The following IL1RN variants were observed in gnomAD, a reference collection of about 807,000 sequenced individuals.
IL1RN encodes the protein interleukin-1 receptor antagonist protein.
A neutral mutation model predicts 13.7 loss-of-function variants in IL1RN; 10 were observed. The observed-to-expected ratio is 0.73, with a 90% CI of 0.45 to 1.24. The LOEUF is 1.24. Among genes scored for constraint, IL1RN ranks in the 50% most tolerant of loss-of-function variants. IL1RN has a pLI of 0.00. For missense variants in IL1RN, 213 were observed against 222.1 expected, an observed-to-expected ratio of 0.96 and a Z score of 0.26; for synonymous variants, 102 against 82.7, an observed-to-expected ratio of 1.23 and a Z score of -1.27.
upstream of IL1RN, among the ~76,000 whole-genome samples, chr2:113,108,395 T>A (rs564129851): frequency 4.6e-5 from 7 of 152,224 alleles, no homozygotes; most frequent in Non-Finnish European, 7.4e-5. Flanking sequence ...TATCTCCTAA[T>A]GCTATCCGTC....
At chr2:113,122,341 G>A (rs973255395) in intron 2 of IL1RN, among the ~76,000 whole-genome samples, 6 of 152,156 alleles carry the variant, frequency 3.9e-5, no homozygotes, top group Admixed American at 6.5e-5. Flanking sequence ...GGAGGAGGGA[G>A]GTTGGAGCTG....
upstream of IL1RN, among the ~76,000 whole-genome samples, chr2:113,110,265 A>T (rs185282064): frequency 2.0e-3 from 305 of 152,316 alleles, no homozygotes; most frequent in African/African-American, 7.0e-3. Context: ...GAAGCCTTTG[A>T]GGAAACCATT....
At chr2:113,117,942 T>C (rs1298272678) in exon 1 of IL1RN, 16 of 898,204 alleles carry the variant, frequency 1.8e-5, no homozygotes, top group Non-Finnish European at 2.1e-5. Context: ...GCCCGGGTGC[T>C]ACTTTATGGG....
intron 2 of IL1RN, 109 bp downstream of exon 2, chr2:113,129,773 C>A (rs1052893784): frequency 7.6e-6 from 6 of 784,692 alleles, no homozygotes; most frequent in Non-Finnish European, 1.4e-5. Context: ...TGTCCTAATC[C>A]TTGTTGGGTC....
intron 1 of IL1RN, among the ~76,000 whole-genome samples, chr2:113,128,999 G>T (rs1283796076): frequency 1.3e-5 from 2 of 152,210 alleles, no homozygotes; most frequent in Non-Finnish European, 2.9e-5. Flanking sequence ...AGGCTCTAGG[G>T]AAAGACCCTT....
At position 113,111,183 on chromosome 2, in the gene IL1RN, T is replaced by C. The variant is rs373287395; in HGVS notation, c.-404T>C. The C allele has an allele frequency of 5.9e-5, 9 of 152,378 alleles. No homozygotes were observed. The South Asian group carries it at 1.9e-3, about 32-fold the overall frequency. 9.4% of individuals were successfully genotyped at this position (152,378 alleles called of 1,614,324 possible). ...TTTGAATTGATCTTGGCAGCAATTC[T>C]ATGAGACAAGTAAAAGGTAGGTCAA... On this transcript the variant is annotated 5_prime_UTR_variant, in exon 1 of 9. Transcript: ENST00000409052.
At chr2:113,106,371 T>C (rs1686387905), upstream of IL1RN, among the ~76,000 whole-genome samples, 2 of 152,238 alleles carry the variant, frequency 1.3e-5, no homozygotes, top group Admixed American at 1.3e-4. Context: ...AGATTATAAA[T>C]TATTTTGAGA....
chr2:113,127,178 T>C (rs1286041376), upstream of IL1RN, among the ~76,000 whole-genome samples: 2 of 152,222 alleles, frequency 1.3e-5, no homozygotes, highest in African/African-American at 4.8e-5. Flanking sequence ...GCTGTCCATT[T>C]TTCAAAGAAC....
At chr2:113,108,260 T>C (rs1246204889), upstream of IL1RN, among the ~76,000 whole-genome samples, 1 of 152,040 alleles carries the variant, frequency 6.6e-6, no homozygotes, top group East Asian at 1.9e-4. Context: ...GGTTATAAAT[T>C]TTTTTTATTA....
upstream of IL1RN, among the ~76,000 whole-genome samples, chr2:113,113,388 G>C (rs1461886673): frequency 6.6e-6 from 1 of 152,120 alleles, no homozygotes; most frequent in East Asian, 1.9e-4. Flanking sequence ...AAAGAAGAGA[G>C]TAGACTACTG....
chr2:113,113,947 CCT>C (rs1377901496), upstream of IL1RN, among the ~76,000 whole-genome samples: 1 of 152,066 alleles, frequency 6.6e-6, no homozygotes, highest in East Asian at 1.9e-4. Flanking sequence ...GGATTAGTTC[CCT>C]CTGTTTATTT....
upstream of IL1RN, among the ~76,000 whole-genome samples, chr2:113,117,076 T>A (rs45594435): frequency 1.8e-4 from 28 of 152,218 alleles, no homozygotes; most frequent in Non-Finnish European, 3.4e-4. Flanking sequence ...TGCTCCCTGA[T>A]GGCAGAATGC....
At chr2:113,114,225 C>T (rs937694093), upstream of IL1RN, among the ~76,000 whole-genome samples, 11 of 152,224 alleles carry the variant, frequency 7.2e-5, no homozygotes, top group African/African-American at 2.7e-4. Flanking sequence ...TATCTGTTTG[C>T]TTGTTCTTCT....
chr2:113,133,150 C>T lies in IL1RN; in HGVS notation c.*279C>T. 2.0e-6 allele frequency: 1 copy of T among 505,002 alleles called. No homozygotes were observed. The highest frequency in any genetic ancestry group is 3.6e-6 in the Non-Finnish European group (1 of 276,140). The allele number at this position is 505,002 out of a possible 1,614,324, so 31.3% of individuals were successfully genotyped here. ...TGTCGCCTCTGCATTCAGGATCAAA[C>T]CCCGACCACCTGCCCAACCTGCTCT... On this transcript the variant is annotated 3_prime_UTR_variant, in exon 4 of 4. Coordinates refer to ENST00000409930, the MANE Select transcript of IL1RN (RefSeq NM_173842.3).
chr2:113,131,127 G>A lies in IL1RN; in HGVS notation c.288G>A (p.Lys96=), dbSNP rs1442053811. ...HGGKMCLSCV[K]SGDETRLQLE... ...GGAAGATGTGCCTGTCCTGTGTCAA[G>A]TCTGGTGATGAGACCAGACTCCAGC... The change falls in exon 3 of 4, where the codon AAG becomes AAA. Residue 96 remains lysine (K), a synonymous_variant. Coordinates refer to ENST00000409930, the MANE Select transcript of IL1RN (RefSeq NM_173842.3). The A allele has an allele frequency of 2.5e-6, 4 of 1,612,606 alleles. No homozygotes were observed. The highest frequency in any genetic ancestry group is 1.7e-5 in the Admixed American group (1 of 60,028).
intron 1 of IL1RN, 62 bp from the exon 2 acceptor site, chr2:113,129,514 G>A (rs1687083508): frequency 1.9e-6 from 2 of 1,033,166 alleles, no homozygotes; most frequent in Middle Eastern, 4.0e-4. Context: ...ACAGGAAGGT[G>A]CCAAGCACAA....
chr2:113,127,656 T>C lies in IL1RN; in HGVS notation c.32T>C (p.Leu11Pro), dbSNP rs1483659610. 1.1e-5 allele frequency: 17 copies of C among 1,613,988 alleles called. No homozygotes were observed. The highest frequency in any genetic ancestry group is 1.4e-5 in the Non-Finnish European group (16 of 1,180,004). The change falls in exon 1 of 4, where the codon CTA (leucine) becomes CCA (proline). Residue 11 changes from leucine (L) to proline (P), a missense_variant. By Grantham distance (98) the Leu-to-Pro change is moderately conservative. Transcript: ENST00000409930. Reference sequence around the variant, plus strand: ...ATCTGCAGAGGCCTCCGCAGTCACCTAATCACTCTCCTCCTCTTCCTGTTC... The same window carrying C: ...ATCTGCAGAGGCCTCCGCAGTCACCCAATCACTCTCCTCCTCTTCCTGTTC... MEICRGLRSH[L>P]ITLLLFLFHS...
upstream of IL1RN, among the ~76,000 whole-genome samples, chr2:113,124,929 T>C (rs1686904676): frequency 6.6e-6 from 1 of 152,132 alleles, no homozygotes; most frequent in Non-Finnish European, 1.5e-5. Context: ...GAGCGTCTTT[T>C]CTCCAGGAGA....
In IL1RN at chr2:113,130,888, A is replaced by G. The variant is rs448341; in HGVS notation, c.206-157A>G. On this transcript the variant is annotated intron_variant, in intron 2 of 3. Transcript: ENST00000409930. ...GGTAGTGTGCTTGGTTTAATCTTCT[A>G]TTTACCTGCAGACCAGGAAGATGAG... Among the ~76,000 whole-genome samples, 32,733 of 152,046 alleles carry G rather than the reference A, an allele frequency of 0.22. 4,216 individuals carry two copies. The highest frequency in any genetic ancestry group is 0.29 in the South Asian group (1,400 of 4,822).
Sources: allele counts gnomAD v4.1 joint callset (sites outside exome capture counted in the v4.1 genomes callset), GRCh38; gene constraint gnomAD v4.1.1; transcripts MANE v1.5; gene names NCBI Gene and HGNC (gene_info 2026-07-23, HGNC 2026-07-21).